The following COLEC10 variants were observed in gnomAD, a reference collection of about 807,000 sequenced individuals.
COLEC10 encodes collectin subfamily member 10.
A neutral mutation model predicts 28.4 loss-of-function variants in COLEC10; 22 were observed. The observed-to-expected ratio is 0.78, with a 90% confidence interval of 0.55 to 1.11. COLEC10 has a LOEUF of 1.11. COLEC10 is among the 50% of genes least tolerant of loss of function. The pLI is 0.00. For missense variants in COLEC10, 361 were observed against 344.1 expected, an observed-to-expected ratio of 1.05 and a Z score of -0.39; for synonymous variants, 125 against 116.1, an observed-to-expected ratio of 1.08 and a Z score of -0.49.
At chr8:119,000,159 A>C (rs1813666318) in intron 1 of COLEC10, among the ~76,000 whole-genome samples, 1 of 152,186 alleles carries the variant, frequency 6.6e-6, no homozygotes, top group Non-Finnish European at 1.5e-5. Flanking sequence ...CAGAGTGTGC[A>C]GATTCAGATA....
chr8:119,041,287 C>T (rs892770773), intron 2 of COLEC10, among the ~76,000 whole-genome samples: 1 of 151,558 alleles, frequency 6.6e-6, no homozygotes. Context: ...CTGGCATGAT[C>T]CCTAATGGTA....
intron 1 of COLEC10, among the ~76,000 whole-genome samples, chr8:119,005,935 C>G (rs1046922489): frequency 5.3e-5 from 8 of 152,088 alleles, no homozygotes; most frequent in Non-Finnish European, 2.9e-5. Context: ...CATATAACAG[C>G]TCTGTCCACT....
rs1161854978 is a variant in COLEC10 at position 119,069,618 on chromosome 8, AAAAAAAAAAAAATATATATATATAT to A, written c.148+2191_148+2215del. ...GAGACCCCATCTCAAAAAAAAAAAA[AAAAAAAAAAAAATATATATATATAT>A]ATATATATATATATATATGTAAACT... On this transcript the variant is annotated intron_variant, in intron 1 of 5. Coordinates refer to ENST00000332843, the MANE Select transcript of COLEC10 (RefSeq NM_006438.5). Among the ~76,000 whole-genome samples, 488 of 71,022 alleles carry A rather than the reference AAAAAAAAAAAAATATATATATATAT, an allele frequency of 6.9e-3. 14 individuals carry two copies. Among genetic ancestry groups the A allele is most frequent in the African/African-American group, 0.031 (468 of 15,308 alleles). 46.6% of individuals were successfully genotyped at this position (71,022 alleles called of 152,430 possible). A position where few individuals can be genotyped will look rare whatever the true frequency, so the allele number is the denominator to read the frequency against.
At chr8:118,982,374 C>T in the COLEC10 span, among the ~76,000 whole-genome samples, 1 of 152,056 alleles carries the variant, frequency 6.6e-6, no homozygotes, top group African/African-American at 2.4e-5. Flanking sequence ...TCTAAAGAAA[C>T]AAATCTTTCA....
intron 1 of COLEC10, among the ~76,000 whole-genome samples, chr8:119,073,714 C>T (rs1253900024): frequency 6.6e-6 from 1 of 151,730 alleles, no homozygotes; most frequent in African/African-American, 2.4e-5. Context: ...AAAGATGAAT[C>T]AGGAAGTAGT....
chr8:119,031,234 T>G (rs1184756456), intron 2 of COLEC10, among the ~76,000 whole-genome samples: 2 of 152,164 alleles, frequency 1.3e-5, no homozygotes, highest in East Asian at 3.9e-4. Flanking sequence ...TCAGGGAGGT[T>G]TGCATTTGTT....
chr8:119,093,628 C>T (rs1815655103), intron 3 of COLEC10, among the ~76,000 whole-genome samples: 1 of 152,138 alleles, frequency 6.6e-6, no homozygotes, highest in Non-Finnish European at 1.5e-5. Flanking sequence ...AGATTCACCT[C>T]AAATGATTAA....
At chr8:119,048,752 T>C (rs1309640300) in intron 2 of COLEC10, among the ~76,000 whole-genome samples, 9 of 152,198 alleles carry the variant, frequency 5.9e-5, no homozygotes, top group Non-Finnish European at 1.5e-5. Context: ...GATGGGTCTC[T>C]TGAAGACAGC....
At chr8:119,034,053 T>A (rs893458235) in intron 2 of COLEC10, among the ~76,000 whole-genome samples, 8 of 152,218 alleles carry the variant, frequency 5.3e-5, no homozygotes, top group East Asian at 1.9e-4. Flanking sequence ...AATGGTATAC[T>A]ATCCAGACAT....
chr8:118,963,408 A>G, the COLEC10 span, among the ~76,000 whole-genome samples: 59 of 152,272 alleles, frequency 3.9e-4, no homozygotes, highest in African/African-American at 1.4e-3. Flanking sequence ...ATGACCAGTC[A>G]CTTGTCTGAT....
chr8:119,082,681 G>A (rs1350125702), intron 1 of COLEC10, among the ~76,000 whole-genome samples: 1 of 152,210 alleles, frequency 6.6e-6, no homozygotes, highest in Non-Finnish European at 1.5e-5. Context: ...GGTACAAGAA[G>A]TTCAACAGAA....
At chr8:118,988,280 T>G in the COLEC10 span, among the ~76,000 whole-genome samples, 1 of 152,122 alleles carries the variant, frequency 6.6e-6, no homozygotes, top group African/African-American at 2.4e-5. Context: ...CCCTTAGGGT[T>G]CTGGCGGTGG....
At chr8:119,061,303 CAGGA>C (rs1168408971) in intron 2 of COLEC10, among the ~76,000 whole-genome samples, 1 of 151,880 alleles carries the variant, frequency 6.6e-6, no homozygotes, top group Non-Finnish European at 1.5e-5. Context: ...TGGAAATTAT[CAGGA>C]GCCAACACAA....
At chr8:118,990,396 A>C in the COLEC10 span, among the ~76,000 whole-genome samples, 1 of 152,148 alleles carries the variant, frequency 6.6e-6, no homozygotes, top group Non-Finnish European at 1.5e-5. Context: ...TGTAGCTGAT[A>C]CAATTTGGAA....
chr8:119,035,903 A>T (rs1814381355), intron 2 of COLEC10, among the ~76,000 whole-genome samples: 1 of 152,146 alleles, frequency 6.6e-6, no homozygotes, highest in Non-Finnish European at 1.5e-5. Flanking sequence ...AAGTTTCTCA[A>T]GTTATGCTGT....
At chr8:119,089,563 T>A in intron 1 of COLEC10, 117 bp from the exon 2 acceptor site, 1 of 730,278 alleles carries the variant, frequency 1.4e-6, no homozygotes. Flanking sequence ...ACAGCTGGAT[T>A]GTGAGGCAAG....
intron 2 of COLEC10, among the ~76,000 whole-genome samples, chr8:119,027,441 T>C (rs1383966253): frequency 6.6e-6 from 1 of 152,224 alleles, no homozygotes; most frequent in Non-Finnish European, 1.5e-5. Context: ...TATTTATTTT[T>C]CTTTCTTCCT....
intron 1 of COLEC10, among the ~76,000 whole-genome samples, chr8:119,007,705 A>G (rs1367368503): frequency 6.6e-6 from 1 of 150,988 alleles, no homozygotes; most frequent in Non-Finnish European, 1.5e-5. Flanking sequence ...GTGAAATTGA[A>G]TCTCCTGTTT....
the COLEC10 span, among the ~76,000 whole-genome samples, chr8:118,968,751 C>T: frequency 1.3e-5 from 2 of 152,000 alleles, no homozygotes; most frequent in East Asian, 3.9e-4. Flanking sequence ...TTAGGTATTA[C>T]TCCTAATGCT....
Sources: gnomAD v4.1 joint callset for allele counts (sites outside exome capture counted in the v4.1 genomes callset) on GRCh38, gnomAD v4.1.1 for gene constraint, MANE v1.5 for transcripts, NCBI Gene and HGNC (gene_info 2026-07-23, HGNC 2026-07-21) for gene names.